Variants in MACROD1 observed in about 807,000 individuals in gnomAD.
The protein encoded by MACROD1 is mono-ADP ribosylhydrolase 1.
In MACROD1, 31 loss-of-function variants were observed where a neutral mutation model predicts 41.4. The ratio of observed to expected loss-of-function variants is 0.75; its 90% CI spans 0.56 to 1.01. MACROD1 has a LOEUF of 1.01. MACROD1 is among the 50% of genes least tolerant of loss of function. The pLI, the probability that MACROD1 is intolerant of heterozygous loss-of-function variation, is 0.00. For synonymous variants in MACROD1, 252 were observed against 203.4 expected (o/e 1.24, Z -2.03); for missense variants, 473 against 460.0 (o/e 1.03, Z -0.26).
chr11:64,012,332 G>A (rs1205375742), intron 4 of MACROD1, among the ~76,000 whole-genome samples: 1 of 152,170 alleles, frequency 6.6e-6, no homozygotes, highest in Non-Finnish European at 1.5e-5. Flanking sequence ...TCCACCAGCT[G>A]CCCTTGGGTA....
intron 3 of MACROD1, among the ~76,000 whole-genome samples, chr11:64,033,182 C>T (rs1480063001): frequency 6.6e-6 from 1 of 152,192 alleles, no homozygotes. Context: ...TGTCTAGGTG[C>T]CCAGCCCCCA....
chr11:64,143,234 C>T (rs1565257399), intron 3 of MACROD1, among the ~76,000 whole-genome samples: 1 of 152,004 alleles, frequency 6.6e-6, no homozygotes, highest in Non-Finnish European at 1.5e-5. Context: ...AGAAAAAAAC[C>T]TGATGGTCTC....
intron 4 of MACROD1, chr11:64,001,469 G>A: frequency 1.4e-6 from 1 of 702,444 alleles, no homozygotes. Flanking sequence ...GACAAACCAA[G>A]GCCACCTTCT....
At chr11:64,054,951 C>G (rs996037772) in intron 3 of MACROD1, among the ~76,000 whole-genome samples, 4 of 152,304 alleles carry the variant, frequency 2.6e-5, no homozygotes, top group Non-Finnish European at 4.4e-5. Context: ...CTGAATTTCT[C>G]AGGATGGCTC....
At chr11:64,126,072 C>T (rs765420627) in intron 3 of MACROD1, among the ~76,000 whole-genome samples, 2 of 152,214 alleles carry the variant, frequency 1.3e-5, no homozygotes, top group Non-Finnish European at 2.9e-5. Flanking sequence ...CACCTGTCCT[C>T]GGGCTAGTCC....
chr11:64,026,450 T>G (rs1443525601), intron 3 of MACROD1, among the ~76,000 whole-genome samples: 2 of 152,168 alleles, frequency 1.3e-5, no homozygotes, highest in African/African-American at 4.8e-5. Flanking sequence ...AGTAGCATCT[T>G]TACACGCCCC....
At chr11:64,050,306 C>T (rs1219712487) in intron 3 of MACROD1, among the ~76,000 whole-genome samples, 1 of 152,148 alleles carries the variant, frequency 6.6e-6, no homozygotes, top group Admixed American at 6.5e-5. Flanking sequence ...TACCACGAGG[C>T]CCAGAGCTTG....
intron 3 of MACROD1, among the ~76,000 whole-genome samples, chr11:64,143,942 G>A (rs1358581184): frequency 6.6e-6 from 1 of 152,062 alleles, no homozygotes. Flanking sequence ...TAGTGCAAGA[G>A]AGATTAACTG....
intron 3 of MACROD1, among the ~76,000 whole-genome samples, chr11:64,056,712 C>T (rs1565212406): frequency 6.6e-6 from 1 of 152,202 alleles, no homozygotes; most frequent in Non-Finnish European, 1.5e-5. Context: ...TAGGGGACAG[C>T]AGAGAACCCG....
At chr11:64,020,405 A>C (rs1943137446) in intron 3 of MACROD1, among the ~76,000 whole-genome samples, 1 of 152,060 alleles carries the variant, frequency 6.6e-6, no homozygotes, top group African/African-American at 2.4e-5. Context: ...CCCTCCCAGT[A>C]GGGAACCCTG....
chr11:64,052,520 G>C (rs1374274206), intron 3 of MACROD1, among the ~76,000 whole-genome samples: 1 of 152,202 alleles, frequency 6.6e-6, no homozygotes, highest in Non-Finnish European at 1.5e-5. Context: ...GCCCTTCTGA[G>C]GTTGGCAGGA....
At chr11:64,158,786 G>A (rs1158246075) in intron 1 of MACROD1, among the ~76,000 whole-genome samples, 1 of 152,156 alleles carries the variant, frequency 6.6e-6, no homozygotes, top group Non-Finnish European at 1.5e-5. Flanking sequence ...CCCAACCTAA[G>A]TCCCTCATGC....
intron 3 of MACROD1, among the ~76,000 whole-genome samples, chr11:64,088,893 G>C (rs1223421151): frequency 6.6e-6 from 1 of 152,130 alleles, no homozygotes. Context: ...TTGAAGGTGC[G>C]GTTCACAAAG....
intron 1 of MACROD1, among the ~76,000 whole-genome samples, chr11:64,153,422 AG>A (rs1945616048): frequency 6.6e-6 from 1 of 152,134 alleles, no homozygotes; most frequent in Non-Finnish European, 1.5e-5. Context: ...GTGGTGAGAA[AG>A]GAAGGACTGC....
chr11:64,042,226 G>C (rs893433917), intron 3 of MACROD1, among the ~76,000 whole-genome samples: 1 of 152,152 alleles, frequency 6.6e-6, no homozygotes, highest in Non-Finnish European at 1.5e-5. Context: ...TTCCTCTCCT[G>C]TCTTCCCTGA....
intron 8 of MACROD1, 84 bp downstream of exon 8, chr11:63,999,247 G>A: frequency 6.7e-7 from 1 of 1,494,448 alleles, no homozygotes; most frequent in Admixed American, 2.0e-5. Flanking sequence ...CCTGCGCTCT[G>A]CACCCTGACT....
intron 3 of MACROD1, among the ~76,000 whole-genome samples, chr11:64,048,833 G>A (rs978288508): frequency 7.2e-5 from 11 of 152,170 alleles, no homozygotes; most frequent in Admixed American, 6.5e-4. Flanking sequence ...CCAAGCACCC[G>A]AGGTGGGCCA....
intron 3 of MACROD1, among the ~76,000 whole-genome samples, chr11:64,032,541 T>C (rs545766): frequency 0.24 from 36,743 of 152,090 alleles, 9,859 homozygotes; most frequent in African/African-American, 0.66. Context: ...CACCAGGCTG[T>C]GTGGGTTACT....
intron 3 of MACROD1, among the ~76,000 whole-genome samples, chr11:64,091,220 C>T (rs1944484291): frequency 6.6e-6 from 1 of 152,022 alleles, no homozygotes. Flanking sequence ...TGGCAGCCTC[C>T]GCTGCAGGGT....
Sources: gnomAD v4.1 joint callset for allele counts (sites outside exome capture counted in the v4.1 genomes callset) on GRCh38, gnomAD v4.1.1 for gene constraint, MANE v1.5 for transcripts, NCBI Gene and HGNC (gene_info 2026-07-23, HGNC 2026-07-21) for gene names.